UBE2O: variants seen among roughly 807,000 people sequenced by gnomAD.
The protein encoded by UBE2O is (E3-independent) E2 ubiquitin-conjugating enzyme.
A neutral mutation model predicts 125.8 loss-of-function variants in UBE2O; 15 were observed. The observed-to-expected ratio is 0.12, with a 90% CI of 0.08 to 0.18. The LOEUF is 0.18. UBE2O is among the 10% of genes least tolerant of loss of function. The pLI is 1.00. For synonymous variants in UBE2O, 708 were observed against 703.2 expected (o/e 1.01, Z -0.11); for missense variants, 1,280 against 1,723.6 (o/e 0.74, Z 4.56).
chr17:76,437,834 C>G (rs1264446064), intron 1 of UBE2O, among the ~76,000 whole-genome samples: 3 of 152,150 alleles, frequency 2.0e-5, no homozygotes, highest in Admixed American at 6.5e-5. Flanking sequence ...TGAAACTGTT[C>G]TATAAATCTA....
At chr17:76,447,035 C>T (rs981868251) in intron 1 of UBE2O, among the ~76,000 whole-genome samples, 5 of 152,230 alleles carry the variant, frequency 3.3e-5, no homozygotes, top group African/African-American at 1.2e-4. Context: ...TCCCTCCTGC[C>T]TGCCCACTGG....
chr17:76,452,845 C>T lies in UBE2O; in HGVS notation c.297G>A (p.Ser99=). 6.7e-7 allele frequency: 1 copy of T among 1,503,650 alleles called. No homozygotes were observed. The highest frequency in any genetic ancestry group is 1.4e-5 in the African/African-American group (1 of 69,084). The allele number at this position is 1,503,650 out of a possible 1,614,324, so 93.1% of individuals were successfully genotyped here. A position where few individuals can be genotyped will look rare whatever the true frequency, so the allele number is the denominator to read the frequency against. The change falls in exon 1 of 18, where the codon TCG becomes TCA. Residue 99 remains serine, a synonymous_variant. Transcript: ENST00000319380. This position sits in a 1 kb window ranked among gnomAD's most constrained non-coding sequence, Gnocchi z 4.4. The stretch of plus-strand genomic sequence containing the variant: ...CCGCGCCCCCGGCCTCGGAGCACCC[C>T]GAGCTCCCGCGGCCCTCCTCCTCGC... ...SEGEEEGRGS[S]GCSEAGGAGH...
At position 76,391,606 on chromosome 17, in the gene UBE2O, G is replaced by T; in HGVS notation, c.3216C>A (p.Ile1072=). 2 of 1,611,856 alleles carry T rather than the reference G, an allele frequency of 1.2e-6. No homozygotes were observed. ...LQVLISIQGL[I]LVNEPYYNEA... is the part of the protein sequence containing the mutation. ...CGTTGTAGTATGGTTCATTTACCAG[G>T]ATCAGACCTGTGTGGGCGGGACACC... Residue 1072 remains isoleucine, a synonymous_variant, in exon 18 of 18, where the codon ATC becomes ATA. Coordinates refer to ENST00000319380, the MANE Select transcript of UBE2O (RefSeq NM_022066.4). The surrounding 1 kb of genome is among the most constrained non-coding windows in gnomAD (Gnocchi z 8.4).
At chr17:76,418,580 T>G (rs1001060358) in intron 1 of UBE2O, among the ~76,000 whole-genome samples, 5 of 151,886 alleles carry the variant, frequency 3.3e-5, no homozygotes, top group African/African-American at 4.8e-5. Context: ...TTTTTTTTTT[T>G]TTTTTTTGAG....
At chr17:76,414,060 C>T (rs1017106200) in intron 1 of UBE2O, among the ~76,000 whole-genome samples, 8 of 152,182 alleles carry the variant, frequency 5.3e-5, no homozygotes, top group South Asian at 2.1e-4. Flanking sequence ...CCTGATAACC[C>T]GGCAATCAGC....
chr17:76,402,798 G>T lies in UBE2O; in HGVS notation c.589-99C>A. Reference sequence around the variant, plus strand: ...CCCCACCGAAGACAGGATGGGGGAGGATCTAGACAGCTCACTGACTGGACC... The same window carrying T: ...CCCCACCGAAGACAGGATGGGGGAGTATCTAGACAGCTCACTGACTGGACC... On this transcript the variant is annotated intron_variant, in intron 3 of 17. Coordinates refer to ENST00000319380, the MANE Select transcript of UBE2O (RefSeq NM_022066.4). This position sits in a 1 kb window ranked among gnomAD's most constrained non-coding sequence, Gnocchi z 5.4. 1 of 1,003,390 alleles carries T rather than the reference G, an allele frequency of 1.0e-6. No individual in the cohort carries two copies. The highest frequency in any genetic ancestry group is 2.4e-5 in the East Asian group (1 of 41,766). The allele number at this position is 1,003,390 out of a possible 1,614,324, so 62.2% of individuals were successfully genotyped here.
In UBE2O at chr17:76,399,971, G is replaced by A. The variant is rs896335992; in HGVS notation, c.1156-50C>T. On this transcript the variant is annotated intron_variant, in intron 8 of 17. Coordinates refer to ENST00000319380, the MANE Select transcript of UBE2O (RefSeq NM_022066.4). This position sits in a 1 kb window ranked among gnomAD's most constrained non-coding sequence, Gnocchi z 6.9. ...AGGGCTGTGAGGTGCACCTGGGCAGGCCTGGCCCTAGGCATCTCAGGCTGG... is the reference window on the plus strand; with the variant it reads ...AGGGCTGTGAGGTGCACCTGGGCAGACCTGGCCCTAGGCATCTCAGGCTGG... The A allele has an allele frequency of 6.4e-7, 1 of 1,553,246 alleles. No homozygotes were observed. The highest frequency in any genetic ancestry group is 8.7e-7 in the Non-Finnish European group (1 of 1,148,944).
intron 1 of UBE2O, among the ~76,000 whole-genome samples, chr17:76,406,199 C>G (rs950797987): frequency 6.6e-6 from 1 of 152,252 alleles, no homozygotes; most frequent in East Asian, 1.9e-4. Context: ...ACTGCACGAG[C>G]ACCTGATTGT....
At chr17:76,419,744 G>T (rs1266608434) in intron 1 of UBE2O, among the ~76,000 whole-genome samples, 1 of 152,230 alleles carries the variant, frequency 6.6e-6, no homozygotes, top group Non-Finnish European at 1.5e-5. Context: ...TGGTGGACAT[G>T]GTTTCGCCAC....
intron 1 of UBE2O, among the ~76,000 whole-genome samples, chr17:76,442,694 G>A (rs188046104): frequency 6.6e-6 from 1 of 152,212 alleles, no homozygotes; most frequent in Non-Finnish European, 1.5e-5. Flanking sequence ...GATAGAGCAG[G>A]ATGTGTAGGT....
chr17:76,409,339 A>G (rs1007137873), intron 1 of UBE2O, among the ~76,000 whole-genome samples: 1 of 152,142 alleles, frequency 6.6e-6, no homozygotes, highest in Non-Finnish European at 1.5e-5. Flanking sequence ...CAAGATGCCA[A>G]AATGCTAACA....
intron 1 of UBE2O, among the ~76,000 whole-genome samples, chr17:76,420,169 C>T (rs898601120): frequency 2.0e-5 from 3 of 152,166 alleles, no homozygotes; most frequent in African/African-American, 4.8e-5. Context: ...GAAAATGCAC[C>T]GTACCTTCCT....
At chr17:76,415,791 A>G (rs974893016) in intron 1 of UBE2O, among the ~76,000 whole-genome samples, 38 of 114,956 alleles carry the variant, frequency 3.3e-4, no homozygotes, top group African/African-American at 1.1e-3. Flanking sequence ...GCAACAGAGC[A>G]AGACTGTGTG....
chr17:76,404,093 T>C lies in UBE2O; in HGVS notation c.588+1113A>G, dbSNP rs371076705. Among the ~76,000 whole-genome samples the C allele has an allele frequency of 2.6e-4, 40 of 152,312 alleles. No individual in the cohort carries two copies. Among genetic ancestry groups the C allele is most frequent in the African/African-American group, 8.7e-4 (36 of 41,554 alleles). ...AGAAATGAGGGGAACAAGGGAGTCA[T>C]AGAACCACCATTTAGCAACATCAGA... On this transcript the variant is annotated intron_variant, in intron 3 of 17. Coordinates refer to ENST00000319380, the MANE Select transcript of UBE2O (RefSeq NM_022066.4). This position sits in a 1 kb window ranked among gnomAD's most constrained non-coding sequence, Gnocchi z 4.3.
chr17:76,415,814 T>C (rs1220281482), intron 1 of UBE2O, among the ~76,000 whole-genome samples: 1 of 151,924 alleles, frequency 6.6e-6, no homozygotes, highest in Non-Finnish European at 1.5e-5. Context: ...TGTGTGTGTG[T>C]GTGTGTGTGT....
In UBE2O at chr17:76,400,407, G is replaced by A. The variant is rs771048936; in HGVS notation, c.1004+34C>T. The A allele has an allele frequency of 1.3e-4, 202 of 1,597,660 alleles. No homozygotes were observed. Among genetic ancestry groups the A allele is most frequent in the Non-Finnish European group, 1.7e-4 (197 of 1,169,446 alleles). The stretch of plus-strand genomic sequence containing the variant: ...GGGCCCAGAGCCCTGTCCCACGCGT[G>A]CCCCTGGGTTGCTGGCAGTAAGGGC... On this transcript the variant is annotated intron_variant, in intron 7 of 17. Transcript: ENST00000319380. The surrounding 1 kb of genome is among the most constrained non-coding windows in gnomAD (Gnocchi z 4.3).
At position 76,396,092 on chromosome 17, in the gene UBE2O, C is replaced by G; in HGVS notation, c.2809+36G>C. Reference sequence around the variant, plus strand: ...GACACAAACAGGAGCCCCGAGAAGGCGGGGGAAGGCGAAGACCAGGCAAGG... The same window carrying G: ...GACACAAACAGGAGCCCCGAGAAGGGGGGGGAAGGCGAAGACCAGGCAAGG... On this transcript the variant is annotated intron_variant, in intron 14 of 17. Transcript: ENST00000319380. The surrounding 1 kb of genome is among the most constrained non-coding windows in gnomAD (Gnocchi z 6.7). The G allele has an allele frequency of 6.2e-7, 1 of 1,601,114 alleles. No homozygotes were observed. The highest frequency in any genetic ancestry group is 8.5e-7 in the Non-Finnish European group (1 of 1,172,392).
intron 1 of UBE2O, among the ~76,000 whole-genome samples, chr17:76,437,671 A>G (rs1408902237): frequency 6.6e-6 from 1 of 152,104 alleles, no homozygotes; most frequent in Non-Finnish European, 1.5e-5. Flanking sequence ...CTCTGGCCTC[A>G]ACCTCCTGAG....
intron 1 of UBE2O, among the ~76,000 whole-genome samples, chr17:76,435,417 TAC>T (rs59781051): frequency 0.069 from 6,647 of 96,300 alleles, 156 homozygotes; most frequent in Non-Finnish European, 0.083. Context: ...CACACACACA[TAC>T]ACACACACAC....
Sources: gnomAD v4.1 joint callset for allele counts (sites outside exome capture counted in the v4.1 genomes callset) on GRCh38, gnomAD v4.1.1 for gene constraint, Gnocchi (gnomAD v3.1) non-coding constraint, MANE v1.5 for transcripts, NCBI Gene and HGNC (gene_info 2026-07-23, HGNC 2026-07-21) for gene names.